The following CEP112 variants were observed in gnomAD, a reference collection of about 807,000 sequenced individuals.
CEP112 encodes the protein centrosomal protein of 112 kDa.
CEP112 carries 127 observed loss-of-function variants against 153.0 expected under a neutral mutation model. That is an observed-to-expected ratio of 0.83 (90% CI 0.72 to 0.96). The LOEUF (loss-of-function observed/expected upper bound fraction) is 0.96. CEP112 is among the 40% of genes least tolerant of loss of function. The pLI is 0.00. For synonymous variants in CEP112, 358 were observed against 374.4 expected, an observed-to-expected ratio of 0.96 and a Z score of 0.51; for missense variants, 1,089 against 1,101.2, an observed-to-expected ratio of 0.99 and a Z score of 0.16.
At chr17:65,821,449 C>T (rs1185444484) in intron 21 of CEP112, among the ~76,000 whole-genome samples, 1 of 135,002 alleles carries the variant, frequency 7.4e-6, no homozygotes, top group African/African-American at 2.8e-5. Context: ...CAATCTGGGG[C>T]TTCCAATACT....
chr17:65,947,779 C>G (rs1438268990), intron 18 of CEP112, among the ~76,000 whole-genome samples: 2 of 152,048 alleles, frequency 1.3e-5, no homozygotes, highest in South Asian at 2.1e-4. Context: ...ATCTCTGCTA[C>G]CTAATCTTAA....
chr17:66,122,650 T>C (rs2069655327), intron 6 of CEP112, among the ~76,000 whole-genome samples: 1 of 152,162 alleles, frequency 6.6e-6, no homozygotes, highest in Non-Finnish European at 1.5e-5. Flanking sequence ...TATATCTAAT[T>C]TGATATGACA....
At chr17:66,086,396 T>C (rs1330433612) in intron 8 of CEP112, among the ~76,000 whole-genome samples, 8 of 2,694 alleles carry the variant, frequency 3.0e-3, no homozygotes, top group African/African-American at 9.7e-3. Context: ...TTTTTTTTTT[T>C]TTTTTTTTTT....
chr17:65,740,701 A>T (rs2051079062), intron 23 of CEP112, among the ~76,000 whole-genome samples: 2 of 152,182 alleles, frequency 1.3e-5, no homozygotes, highest in Admixed American at 1.3e-4. Flanking sequence ...ATTAGCATGC[A>T]CGCTACTTTT....
At chr17:65,699,729 G>A (rs2048530600) in intron 23 of CEP112, among the ~76,000 whole-genome samples, 1 of 152,108 alleles carries the variant, frequency 6.6e-6, no homozygotes, top group South Asian at 2.1e-4. Context: ...CTGGGCTCAA[G>A]TCATCTTCCT....
intron 23 of CEP112, among the ~76,000 whole-genome samples, chr17:65,740,493 T>C (rs60291933): frequency 0.014 from 2,078 of 152,328 alleles, 52 homozygotes; most frequent in African/African-American, 0.047. Flanking sequence ...ATATTGCACC[T>C]GACTGGTGAC....
intron 21 of CEP112, among the ~76,000 whole-genome samples, chr17:65,767,865 T>A (rs921925557): frequency 1.3e-5 from 2 of 151,948 alleles, no homozygotes; most frequent in African/African-American, 4.8e-5. Context: ...ATGAAGAGAT[T>A]GAAGTAGTAA....
intron 16 of CEP112, among the ~76,000 whole-genome samples, chr17:66,011,849 T>C (rs572239299): frequency 6.6e-5 from 10 of 152,166 alleles, no homozygotes; most frequent in Non-Finnish European, 1.2e-4. Context: ...ATTCTGTGGT[T>C]GTCTAAGTCT....
chr17:65,817,296 A>G (rs2145964993), intron 21 of CEP112, among the ~76,000 whole-genome samples: 1 of 152,052 alleles, frequency 6.6e-6, no homozygotes, highest in South Asian at 2.1e-4. Context: ...GGTTAATTAA[A>G]CCATTTAGGT....
At chr17:65,802,247 C>G (rs1342884230) in intron 21 of CEP112, among the ~76,000 whole-genome samples, 1 of 152,116 alleles carries the variant, frequency 6.6e-6, no homozygotes, top group Non-Finnish European at 1.5e-5. Flanking sequence ...GGCTTTTACT[C>G]TGTCATTTTC....
intron 11 of CEP112, among the ~76,000 whole-genome samples, chr17:66,060,137 A>C (rs1199313139): frequency 6.6e-6 from 1 of 152,116 alleles, no homozygotes; most frequent in Non-Finnish European, 1.5e-5. Context: ...GGGGACTCCT[A>C]GAGGAAAGAG....
At chr17:66,096,012 T>G (rs1217640578) in intron 8 of CEP112, among the ~76,000 whole-genome samples, 1 of 152,086 alleles carries the variant, frequency 6.6e-6, no homozygotes, top group Non-Finnish European at 1.5e-5. Context: ...CAGTGAGCTC[T>G]GATCACACCA....
chr17:65,942,328 CT>C (rs2061529599), intron 18 of CEP112, among the ~76,000 whole-genome samples: 1 of 152,186 alleles, frequency 6.6e-6, no homozygotes, highest in Non-Finnish European at 1.5e-5. Flanking sequence ...CATGGAAAAG[CT>C]GTCTTCCAGA....
intron 4 of CEP112, among the ~76,000 whole-genome samples, chr17:66,153,566 A>G (rs755914774): frequency 4.6e-5 from 7 of 152,190 alleles, no homozygotes; most frequent in South Asian, 2.1e-4. Context: ...TATAGATTCA[A>G]TGCATTCATA....
rs370129214 is a variant in CEP112, at chr17:65,902,191, G to A, written c.2124C>T (p.His708=). The A allele has an allele frequency of 3.2e-5, 51 of 1,613,012 alleles. No individual in the cohort carries two copies. Among genetic ancestry groups the A allele is most frequent in the Admixed American group, 3.0e-4 (18 of 59,870 alleles). The change falls in exon 20 of 27, where the codon CAC becomes CAT. Residue 708 remains histidine, a synonymous_variant. Coordinates refer to ENST00000535342, the MANE Select transcript of CEP112 (RefSeq NM_001199165.4). ...EKQLRAANME[H]ENQIQEFKKR... Reference sequence around the variant, plus strand: ...TCTTGAACTCCTGAATTTGATTTTCGTGCTCCATATTGGCAGCGCGAAGCT... The same window carrying A: ...TCTTGAACTCCTGAATTTGATTTTCATGCTCCATATTGGCAGCGCGAAGCT...
chr17:65,654,182 G>C (rs1474069220), intron 24 of CEP112, among the ~76,000 whole-genome samples: 1 of 152,026 alleles, frequency 6.6e-6, no homozygotes, highest in East Asian at 1.9e-4. Context: ...ATTCTTATTG[G>C]GGTTAAAGTA....
intron 21 of CEP112, among the ~76,000 whole-genome samples, chr17:65,833,910 A>G (rs1056604150): frequency 6.6e-6 from 1 of 152,228 alleles, no homozygotes; most frequent in Non-Finnish European, 1.5e-5. Flanking sequence ...CAAAGTAAAG[A>G]GAACAAAGCT....
intron 21 of CEP112, among the ~76,000 whole-genome samples, chr17:65,763,954 G>A (rs746237722): frequency 9.9e-5 from 15 of 151,976 alleles, no homozygotes; most frequent in South Asian, 2.1e-4. Flanking sequence ...TGGTGGTAAC[G>A]TGTTAGGGAA....
chr17:65,849,533 G>T (rs139753604), intron 21 of CEP112, among the ~76,000 whole-genome samples: 1 of 152,052 alleles, frequency 6.6e-6, no homozygotes, highest in South Asian at 2.1e-4. Context: ...TTAGCATCAC[G>T]TATAAACCTA....
Sources: gnomAD v4.1 joint callset for allele counts (sites outside exome capture counted in the v4.1 genomes callset) on GRCh38, gnomAD v4.1.1 for gene constraint, MANE v1.5 for transcripts, NCBI Gene and HGNC (gene_info 2026-07-23, HGNC 2026-07-21) for gene names.